ZNF343: variants seen among roughly 807,000 people sequenced by gnomAD.
ZNF343 encodes zinc finger protein 343.
In ZNF343, 11 loss-of-function variants were observed where a neutral mutation model predicts 13.8. The ratio of observed to expected loss-of-function variants is 0.80; its 90% CI spans 0.50 to 1.32. ZNF343 has a LOEUF of 1.32. ZNF343 is among the 40% of genes most tolerant of loss of function. The pLI, the probability that ZNF343 is intolerant of heterozygous loss-of-function variation, is 0.00. For missense variants in ZNF343, 658 were observed against 714.2 expected, an observed-to-expected ratio of 0.92 and a Z score of 0.90; for synonymous variants, 248 against 260.0, an observed-to-expected ratio of 0.95 and a Z score of 0.44.
intron 2 of ZNF343, among the ~76,000 whole-genome samples, chr20:2,498,934 G>A (rs2122658006): frequency 6.6e-6 from 1 of 152,258 alleles, no homozygotes; most frequent in Admixed American, 6.5e-5. Flanking sequence ...CCACTTTCCA[G>A]GCTCAAGCCA....
intron 1 of ZNF343, among the ~76,000 whole-genome samples, chr20:2,523,530 A>G (rs1470393889): frequency 1.3e-5 from 2 of 151,908 alleles, no homozygotes; most frequent in Non-Finnish European, 2.9e-5. Context: ...TAGAAAATCC[A>G]TATGGAAATA....
At chr20:2,491,852 T>G (rs1335945172) in intron 5 of ZNF343, 1 of 152,066 alleles carries the variant, frequency 6.6e-6, no homozygotes, top group Non-Finnish European at 1.5e-5. Flanking sequence ...TTAAATATTT[T>G]TTTATTTTTT....
rs1237498328 is a variant in ZNF343 at position 2,518,961 on chromosome 20, C to A, written c.-347+5494G>T. Among the ~76,000 whole-genome samples, 1 of 152,174 alleles carries A rather than the reference C, an allele frequency of 6.6e-6. No individual in the cohort carries two copies. The highest frequency in any genetic ancestry group is 1.5e-5 in the Non-Finnish European group (1 of 68,034). ...AAGTGTTTGGCAGTTCCCTGCCCCCCTCTCTCTTTCCTGCCATCGTGTAAG... is the reference window on the plus strand; with the variant it reads ...AAGTGTTTGGCAGTTCCCTGCCCCCATCTCTCTTTCCTGCCATCGTGTAAG... On this transcript the variant is annotated intron_variant, in intron 1 of 6. Transcript: ENST00000358413. This position sits in a 1 kb window ranked among gnomAD's most constrained non-coding sequence, Gnocchi z 4.6.
intron 2 of ZNF343, among the ~76,000 whole-genome samples, chr20:2,497,061 C>G (rs2085471859): frequency 6.7e-6 from 1 of 148,906 alleles, no homozygotes; most frequent in Non-Finnish European, 1.5e-5. Flanking sequence ...GCCTGGGCAA[C>G]AAAAGCAAAA....
In ZNF343 at chr20:2,484,055, G is replaced by A. The variant is rs149460018; in HGVS notation, c.906C>T (p.Cys302=). ...SMEKPYVCSE[C]GRGFSQKSNL... ...TGGACTTCTGGCTAAAACCTCGCCCGCACTCACTGCACACATAAGGCTTCT... is the reference window on the plus strand; with the variant it reads ...TGGACTTCTGGCTAAAACCTCGCCCACACTCACTGCACACATAAGGCTTCT... Residue 302 remains cysteine, a synonymous_variant, in exon 6 of 6, where the codon TGC becomes TGT. Transcript: ENST00000278772. 33 of 1,613,746 alleles carry A rather than the reference G, an allele frequency of 2.0e-5. No homozygotes were observed. The highest frequency in any genetic ancestry group is 1.6e-4 in the African/African-American group (12 of 74,810).
At chr20:2,522,176 G>A (rs1457566950) in intron 1 of ZNF343, among the ~76,000 whole-genome samples, 2 of 152,142 alleles carry the variant, frequency 1.3e-5, no homozygotes, top group East Asian at 3.9e-4. Flanking sequence ...GTAATTTTGA[G>A]CTTGATTTCA....
In ZNF343 at chr20:2,492,697, A is replaced by T. The variant is rs1568479280; in HGVS notation, c.304+2T>A. 1.2e-6 allele frequency: 2 copies of T among 1,611,218 alleles called. No individual in the cohort carries two copies. Among genetic ancestry groups the T allele is most frequent in the Non-Finnish European group, 1.7e-6 (2 of 1,179,264 alleles). On this transcript the variant is annotated splice_donor_variant, in intron 5 of 5. Coordinates refer to ENST00000278772, the MANE Select transcript of ZNF343 (RefSeq NM_024325.6). LOFTEE classifies it high-confidence loss of function. ...GAAGGAAAGGAAAGAACACAGCCTT[A>T]CCCAATGAGAGAAGATTCCTGTAAT...
chr20:2,483,306 C>G lies in ZNF343; in HGVS notation c.1655G>C (p.Ser552Thr). The change falls in exon 6 of 6, where the codon AGT (serine) becomes ACT (threonine). Residue 552 changes from serine (S) to threonine (T), a missense_variant. Physicochemically the swap from Ser to Thr is moderately conservative, Grantham distance 58 (BLOSUM62 1). Coordinates refer to ENST00000278772, the MANE Select transcript of ZNF343 (RefSeq NM_024325.6). ...THSGEKPYVCSECGRGFSRKS... is the reference protein window; with the variant it reads ...THSGEKPYVCTECGRGFSRKS... ...CCGGCTAAAGCCTCGGCCACACTCACTGCACACGTAAGGCTTCTCTCCTGA... is the reference window on the plus strand; with the variant it reads ...CCGGCTAAAGCCTCGGCCACACTCAGTGCACACGTAAGGCTTCTCTCCTGA... 6.2e-7 allele frequency: 1 copy of G among 1,610,686 alleles called. No individual in the cohort carries two copies. The highest frequency in any genetic ancestry group is 8.5e-7 in the Non-Finnish European group (1 of 1,179,080).
chr20:2,485,520 A>G (rs2085268756), intron 5 of ZNF343, among the ~76,000 whole-genome samples: 4 of 152,210 alleles, frequency 2.6e-5, no homozygotes, highest in Admixed American at 2.6e-4. Context: ...AATCAACTGT[A>G]TCTGTCCTTA....
chr20:2,491,193 C>A (rs1359247184), intron 5 of ZNF343, among the ~76,000 whole-genome samples: 1 of 152,166 alleles, frequency 6.6e-6, no homozygotes, highest in Non-Finnish European at 1.5e-5. Context: ...GCCATGTGCT[C>A]ATTGAGCACT....
At chr20:2,502,291 T>C (rs924076213) in intron 1 of ZNF343, among the ~76,000 whole-genome samples, 7 of 152,100 alleles carry the variant, frequency 4.6e-5, no homozygotes, top group African/African-American at 1.7e-4. Flanking sequence ...AAACAAAGCC[T>C]CCAAGAAATA....
chr20:2,498,020 T>A (rs575041536), intron 2 of ZNF343, among the ~76,000 whole-genome samples: 273 of 152,264 alleles, frequency 1.8e-3, no homozygotes, highest in African/African-American at 6.3e-3. Context: ...CCCTGATCCT[T>A]AAAGAGCCAC....
At chr20:2,519,325 C>G (rs1434297766) in intron 1 of ZNF343, among the ~76,000 whole-genome samples, 1 of 152,178 alleles carries the variant, frequency 6.6e-6, no homozygotes, top group Admixed American at 6.5e-5. Context: ...CCCTCTGACC[C>G]TGTACCTCCA....
intron 4 of ZNF343, chr20:2,493,061 C>G (rs1036077938): frequency 3.7e-6 from 2 of 539,984 alleles, no homozygotes; most frequent in African/African-American, 3.9e-5. Context: ...TATATGATTT[C>G]ACCGGAGAAA....
At chr20:2,515,732 G>T (rs1486925494) in intron 1 of ZNF343, among the ~76,000 whole-genome samples, 1 of 152,160 alleles carries the variant, frequency 6.6e-6, no homozygotes, top group Non-Finnish European at 1.5e-5. Context: ...GAAATGTATG[G>T]TTGAGGGTCT....
chr20:2,501,786 G>T (rs1226933347), intron 1 of ZNF343, among the ~76,000 whole-genome samples: 1 of 152,144 alleles, frequency 6.6e-6, no homozygotes, highest in African/African-American at 2.4e-5. Context: ...AAACAGAAAG[G>T]ACATCCACAC....
chr20:2,502,676 G>A (rs1367461445), intron 1 of ZNF343, among the ~76,000 whole-genome samples: 3 of 152,130 alleles, frequency 2.0e-5, no homozygotes, highest in Admixed American at 2.0e-4. Flanking sequence ...TTAAAGAAAA[G>A]AATTTTCAAC....
intron 1 of ZNF343, among the ~76,000 whole-genome samples, chr20:2,515,507 A>T (rs1481332847): frequency 6.6e-6 from 1 of 152,238 alleles, no homozygotes; most frequent in Non-Finnish European, 1.5e-5. Flanking sequence ...AAAGCATTCA[A>T]AAGTACTCCA....
At chr20:2,495,902 G>A (rs1270812436) in intron 2 of ZNF343, among the ~76,000 whole-genome samples, 4 of 152,004 alleles carry the variant, frequency 2.6e-5, no homozygotes, top group African/African-American at 9.7e-5. Context: ...GGCTGGTCTC[G>A]AACTCCTGAC....
Sources: allele counts gnomAD v4.1 joint callset (sites outside exome capture counted in the v4.1 genomes callset), GRCh38; gene constraint gnomAD v4.1.1; non-coding constraint Gnocchi (gnomAD v3.1); transcripts MANE v1.5; gene names NCBI Gene and HGNC (gene_info 2026-07-23, HGNC 2026-07-21).